Variants in TTC7A observed in about 807,000 individuals in gnomAD.
TTC7A encodes the protein tetratricopeptide repeat domain 7A, also known as tetratricopeptide repeat protein 7A.
A neutral mutation model predicts 103.7 loss-of-function variants in TTC7A; 110 were observed. The observed-to-expected ratio is 1.06, with a 90% CI of 0.91 to 1.24. The LOEUF is 1.24. Among genes scored for constraint, TTC7A ranks in the 50% most tolerant of loss-of-function variants. The pLI, the probability that TTC7A is intolerant of heterozygous loss-of-function variation, is 0.00. For missense variants in TTC7A, 1,340 were observed against 1,116.3 expected (o/e 1.20, Z -2.86); for synonymous variants, 521 against 467.9 (o/e 1.11, Z -1.47).
chr2:47,047,307 AC>A, intron 16 of TTC7A: 1 of 1,549,848 alleles, frequency 6.5e-7, no homozygotes, highest in Non-Finnish European at 8.7e-7. Flanking sequence ...CCCCAGAGGA[AC>A]ATCTGTAACA....
chr2:46,960,460 A>T (rs1672271929), intron 3 of TTC7A, among the ~76,000 whole-genome samples: 1 of 152,112 alleles, frequency 6.6e-6, no homozygotes, highest in South Asian at 2.1e-4. Flanking sequence ...TGAGCCTCTG[A>T]TGTATGTCTC....
chr2:46,923,698 C>G (rs1309906967), intron 2 of TTC7A, among the ~76,000 whole-genome samples: 1 of 152,070 alleles, frequency 6.6e-6, no homozygotes, highest in Non-Finnish European at 1.5e-5. Context: ...TTGAGACCAG[C>G]CTGCACAACA....
intron 3 of TTC7A, among the ~76,000 whole-genome samples, chr2:46,969,455 C>T (rs1211389369): frequency 6.6e-6 from 1 of 152,006 alleles, no homozygotes; most frequent in African/African-American, 2.4e-5. Flanking sequence ...TGCAGTGAGC[C>T]GAGATCGCGC....
At chr2:46,989,123 C>T (rs994672630) in intron 5 of TTC7A, among the ~76,000 whole-genome samples, 52 of 152,208 alleles carry the variant, frequency 3.4e-4, no homozygotes, top group African/African-American at 9.4e-4. Context: ...GCTTGCCAGC[C>T]GCTTGCACAT....
At chr2:47,023,997 A>C (rs1288847446) in intron 13 of TTC7A, among the ~76,000 whole-genome samples, 1 of 149,266 alleles carries the variant, frequency 6.7e-6, no homozygotes, top group Non-Finnish European at 1.5e-5. Flanking sequence ...TATTCATCCC[A>C]TCGTCTTTCT....
chr2:47,052,141 A>C (rs1682911469), intron 18 of TTC7A, among the ~76,000 whole-genome samples: 1 of 152,202 alleles, frequency 6.6e-6, no homozygotes, highest in East Asian at 1.9e-4. Context: ...ACAGATGGAC[A>C]GTTGTCTCAG....
At chr2:46,942,542 A>G (rs899418795) in intron 1 of TTC7A, among the ~76,000 whole-genome samples, 4 of 152,208 alleles carry the variant, frequency 2.6e-5, no homozygotes, top group African/African-American at 9.7e-5. Flanking sequence ...ACAGATCGTG[A>G]TAGTAATAGT....
chr2:47,062,406 C>G lies in TTC7A; in HGVS notation c.2355+1435C>G, dbSNP rs528395763. Among the ~76,000 whole-genome samples the G allele has an allele frequency of 2.6e-5, 4 of 152,382 alleles. No individual in the cohort carries two copies. In the East Asian group the frequency reaches 7.7e-4, roughly 29 times the overall value. On this transcript the variant is annotated intron_variant, in intron 19 of 19. Coordinates refer to ENST00000319190, the MANE Select transcript of TTC7A (RefSeq NM_020458.4). ...CCGTGCAGCCACCATACACCCTTGT[C>G]CATGTTCCTTCCCACATGGCTGCAT...
chr2:47,073,629 T>C, intron 19 of TTC7A, 73 bp from the exon 20 acceptor site: 1 of 1,341,468 alleles, frequency 7.5e-7, no homozygotes, highest in Non-Finnish European at 1.1e-6. Context: ...CGTGCACCTG[T>C]GCTTGGCCCA....
chr2:46,997,281 A>G (rs1053256201), intron 8 of TTC7A, among the ~76,000 whole-genome samples: 3 of 152,028 alleles, frequency 2.0e-5, no homozygotes, highest in Non-Finnish European at 2.9e-5. Context: ...GCCCGGCCTA[A>G]ACACCGGTTA....
chr2:46,991,459 C>G (rs1675626447), intron 5 of TTC7A, among the ~76,000 whole-genome samples: 1 of 152,048 alleles, frequency 6.6e-6, no homozygotes, highest in South Asian at 2.1e-4. Context: ...CATAGCAAGA[C>G]CTCATCTCTG....
intron 19 of TTC7A, among the ~76,000 whole-genome samples, chr2:47,064,838 G>A (rs1224953531): frequency 6.6e-6 from 1 of 152,138 alleles, no homozygotes; most frequent in Non-Finnish European, 1.5e-5. Context: ...CCCAGTGTAA[G>A]GAAGGAAAAA....
chr2:46,961,277 C>T (rs1006927499), intron 3 of TTC7A, among the ~76,000 whole-genome samples: 1 of 152,182 alleles, frequency 6.6e-6, no homozygotes, highest in African/African-American at 2.4e-5. Context: ...TCCATTTACT[C>T]TGTATTAAAA....
intron 5 of TTC7A, among the ~76,000 whole-genome samples, chr2:46,986,069 G>A (rs574331536): frequency 6.6e-6 from 1 of 152,316 alleles, no homozygotes; most frequent in South Asian, 2.1e-4. Flanking sequence ...CTGGGTGGGG[G>A]CACAGTTGCC....
chr2:46,917,981 C>T (rs1668902988), intron 2 of TTC7A, among the ~76,000 whole-genome samples: 1 of 152,182 alleles, frequency 6.6e-6, no homozygotes, highest in African/African-American at 2.4e-5. Flanking sequence ...TCTATCCACC[C>T]TCCCTATGTG....
intron 2 of TTC7A, among the ~76,000 whole-genome samples, chr2:46,928,742 C>T (rs555937619): frequency 2.7e-5 from 4 of 150,896 alleles, no homozygotes; most frequent in African/African-American, 4.9e-5. Flanking sequence ...TGCACTCCAG[C>T]GTGGGTAATG....
At chr2:46,921,017 T>C (rs963049561) in intron 2 of TTC7A, among the ~76,000 whole-genome samples, 5 of 151,966 alleles carry the variant, frequency 3.3e-5, no homozygotes, top group African/African-American at 1.2e-4. Context: ...AGAGGGATAC[T>C]TTCTCAGCCT....
upstream of TTC7A, chr2:46,916,082 AG>A (rs1668771800): frequency 1.0e-6 from 1 of 985,516 alleles, no homozygotes; most frequent in South Asian, 4.7e-5. Flanking sequence ...TCAGGAACGT[AG>A]TTCCACGGGC....
chr2:46,955,524 T>C lies in TTC7A; in HGVS notation c.349-1315T>C, dbSNP rs187030412. On this transcript the variant is annotated intron_variant, in intron 2 of 19. Coordinates refer to ENST00000319190, the MANE Select transcript of TTC7A (RefSeq NM_020458.4). The stretch of plus-strand genomic sequence containing the variant: ...AGTCAAGGAGGCTTTCAGGAGAAGG[T>C]GGGCCTGAGCAAGGCCCCAAAGGAT... Among the ~76,000 whole-genome samples, 437 of 152,192 alleles carry C rather than the reference T, an allele frequency of 2.9e-3. 2 individuals carry two copies. The highest frequency in any genetic ancestry group is 4.9e-3 in the Admixed American group (75 of 15,290).
Sources: gnomAD v4.1 joint callset for allele counts (sites outside exome capture counted in the v4.1 genomes callset) on GRCh38, gnomAD v4.1.1 for gene constraint, MANE v1.5 for transcripts, NCBI Gene and HGNC (gene_info 2026-07-23, HGNC 2026-07-21) for gene names.